ZNF716: variants seen among roughly 807,000 people sequenced by gnomAD.
The protein encoded by ZNF716 is zinc finger protein 716.
ZNF716 carries 9 observed loss-of-function variants against 13.4 expected under a neutral mutation model. That is an observed-to-expected ratio of 0.67 (90% confidence interval 0.41 to 1.18). The LOEUF (loss-of-function observed/expected upper bound fraction) is 1.18. Ranked by LOEUF, ZNF716 falls within the 50% of genes most tolerant of loss-of-function variation. ZNF716 has a pLI of 0.01. For synonymous variants in ZNF716, 186 were observed against 195.2 expected (o/e 0.95, Z 0.39); for missense variants, 581 against 576.6 (o/e 1.01, Z -0.08).
At chr7:57,464,115 C>CTTTTTTTTTTTTTTT (rs782745508) in intron 3 of ZNF716, among the ~76,000 whole-genome samples, 1 of 110,238 alleles carries the variant, frequency 9.1e-6, no homozygotes, top group Non-Finnish European at 1.7e-5. Flanking sequence ...TTGTCCATTT[C>CTTTTTTTTTTTTTTT]TTTTTTCTTT....
intron 1 of ZNF716, among the ~76,000 whole-genome samples, chr7:57,460,412 AAAG>A (rs1273086037): frequency 1.3e-5 from 2 of 151,106 alleles, no homozygotes; most frequent in African/African-American, 2.4e-5. Context: ...AAAAAAAAAA[AAAG>A]GCAGCGTCCA....
At chr7:57,451,957 G>A (rs1179165401) in intron 1 of ZNF716, among the ~76,000 whole-genome samples, 3 of 151,598 alleles carry the variant, frequency 2.0e-5, no homozygotes, top group African/African-American at 7.3e-5. Context: ...AATAGAGATG[G>A]GGTTTCACCA....
In ZNF716 at chr7:57,450,266, G is replaced by T. The variant is rs781890317; in HGVS notation, c.-23G>T. ...GGAGGCCAAGCCTCTGTGGCCTTGT[G>T]TCCTGCAAGTATTCGCAGATTTATG... is the stretch of plus-strand genomic sequence containing the variant. On this transcript the variant is annotated 5_prime_UTR_variant, in exon 1 of 4. Coordinates refer to ENST00000420713, the MANE Select transcript of ZNF716 (RefSeq NM_001159279.1). The T allele has an allele frequency of 6.2e-7, 1 of 1,613,808 alleles. No homozygotes were observed.
chr7:57,471,517 CAT>C lies in ZNF716; in HGVS notation c.*1570_*1571del, dbSNP rs1347658058. ...TTTATTCTAAAGACAAACATTAAAA[CAT>C]AAAGAGGATTGTGTAGTACCTTTAT... On this transcript the variant is annotated 3_prime_UTR_variant, in exon 4 of 4. Transcript: ENST00000420713. 4 of 151,546 alleles carry C rather than the reference CAT, an allele frequency of 2.6e-5. No homozygotes were observed. The highest frequency in any genetic ancestry group is 6.6e-5 in the Admixed American group (1 of 15,190). The allele number at this position is 151,546 out of a possible 1,614,324, so 9.4% of individuals were successfully genotyped here.
chr7:57,457,596 G>A (rs1157061322), intron 1 of ZNF716, among the ~76,000 whole-genome samples: 2 of 152,002 alleles, frequency 1.3e-5, no homozygotes, highest in East Asian at 1.9e-4. Context: ...TGCCCGCCTC[G>A]GCCTTCCAAA....
intron 1 of ZNF716, 60 bp from the exon 2 acceptor site, chr7:57,462,400 C>T (rs868949026): frequency 1.3e-6 from 2 of 1,572,774 alleles, no homozygotes; most frequent in Middle Eastern, 1.7e-4. Flanking sequence ...CCTATGGCAA[C>T]ATGGTAACTG....
chr7:57,462,156 G>GT lies in ZNF716; in HGVS notation c.40-301dup, dbSNP rs1301328661. Among the ~76,000 whole-genome samples the GT allele has an allele frequency of 7.6e-4, 94 of 123,806 alleles. 2 individuals carry two copies. The highest frequency in any genetic ancestry group is 5.9e-3 in the Admixed American group (69 of 11,722). 81.2% of individuals were successfully genotyped at this position (123,806 alleles called of 152,430 possible). ...AGCCTGGGCAACAGAGTGAGCCTCG[G>GT]TTTAAAAAAAAAAAAAAAGACATGT... On this transcript the variant is annotated intron_variant, in intron 1 of 3. Transcript: ENST00000420713.
At chr7:57,455,550 T>G (rs1255654901) in intron 1 of ZNF716, among the ~76,000 whole-genome samples, 1 of 149,558 alleles carries the variant, frequency 6.7e-6, no homozygotes, top group Non-Finnish European at 1.5e-5. Flanking sequence ...AGAGTCTCAC[T>G]CTGTCACCCT....
At chr7:57,459,648 G>T (rs1554322693) in intron 1 of ZNF716, among the ~76,000 whole-genome samples, 1 of 152,072 alleles carries the variant, frequency 6.6e-6, no homozygotes, top group Non-Finnish European at 1.5e-5. Flanking sequence ...ATAAACTTGA[G>T]GGGTTCAAGA....
chr7:57,466,942 G>T (rs1391048854), intron 3 of ZNF716, among the ~76,000 whole-genome samples: 1 of 151,792 alleles, frequency 6.6e-6, no homozygotes, highest in Non-Finnish European at 1.5e-5. Flanking sequence ...AATAGTTACA[G>T]ATTCCTAGTA....
At chr7:57,462,306 TAATG>T in intron 1 of ZNF716, 150 bp from the exon 2 acceptor site, 4 of 800,984 alleles carry the variant, frequency 5.0e-6, no homozygotes, top group Non-Finnish European at 8.2e-6. Flanking sequence ...AACATTATCT[TAATG>T]AATAATTTTA....
chr7:57,451,300 C>A (rs1388321570), intron 1 of ZNF716, among the ~76,000 whole-genome samples: 2 of 151,866 alleles, frequency 1.3e-5, no homozygotes, highest in African/African-American at 2.4e-5. Context: ...CAGTCGTGAT[C>A]CCCCCGTGCC....
chr7:57,463,211 C>A (rs1382330346), intron 3 of ZNF716, 43 bp downstream of exon 3: 4 of 1,598,754 alleles, frequency 2.5e-6, no homozygotes, highest in Non-Finnish European at 3.4e-6. Flanking sequence ...ATGAGAGTTA[C>A]AAAAGTCAAG....
At chr7:57,468,088 C>A (rs142247277) in intron 3 of ZNF716, among the ~76,000 whole-genome samples, 1 of 152,020 alleles carries the variant, frequency 6.6e-6, no homozygotes, top group Non-Finnish European at 1.5e-5. Flanking sequence ...TAGAGATTCT[C>A]GGAGTCTTTC....
rs1476154470 is a variant in ZNF716, at chr7:57,471,872, CAA to C, written c.*1924_*1925del. 1.3e-5 allele frequency: 2 copies of C among 151,964 alleles called. No individual in the cohort carries two copies. The highest frequency in any genetic ancestry group is 2.1e-4 in the South Asian group (1 of 4,824). 9.4% of individuals were successfully genotyped at this position (151,964 alleles called of 1,614,324 possible). ...GAGTGTAAAAAAGATATAAATCTAACAATATAAATTTAAAGAAGTAGATTTAT... is the reference window on the plus strand; with the variant it reads ...GAGTGTAAAAAAGATATAAATCTAACTATAAATTTAAAGAAGTAGATTTAT... On this transcript the variant is annotated 3_prime_UTR_variant, in exon 4 of 4. Coordinates refer to ENST00000420713, the MANE Select transcript of ZNF716 (RefSeq NM_001159279.1).
chr7:57,469,707 G>T lies in ZNF716; in HGVS notation c.1246G>T (p.Ala416Ser). The change falls in exon 4 of 4, where the codon GCC becomes TCC. Residue 416 changes from alanine to serine, a missense_variant. Coordinates refer to ENST00000420713, the MANE Select transcript of ZNF716 (RefSeq NM_001159279.1). ...CTACAAATGTGAAGAATGTGGCAAA[G>T]CCTTTAACTGCTCCTCAACCCTTAA... The part of the protein sequence containing the change: ...KPYKCEECGK[A>S]FNCSSTLKKH... The T allele has an allele frequency of 6.2e-7, 1 of 1,611,134 alleles. No individual in the cohort carries two copies. The highest frequency in any genetic ancestry group is 1.1e-5 in the South Asian group (1 of 90,904).
rs1490227932 is a variant in ZNF716 at position 57,453,903 on chromosome 7, G to A, written c.39+3576G>A. Among the ~76,000 whole-genome samples the A allele has an allele frequency of 2.6e-5, 4 of 152,120 alleles. No homozygotes were observed. The East Asian group carries it at 7.7e-4, about 29-fold the overall frequency. The stretch of plus-strand genomic sequence containing the variant: ...GCTGGAGTACAGTGGTGTGATCTTG[G>A]CTCACTGCAACCTCCGACTCCCGGG... On this transcript the variant is annotated intron_variant, in intron 1 of 3. Coordinates refer to ENST00000420713, the MANE Select transcript of ZNF716 (RefSeq NM_001159279.1).
chr7:57,463,723 G>A (rs1290303106), intron 3 of ZNF716, among the ~76,000 whole-genome samples: 1 of 151,752 alleles, frequency 6.6e-6, no homozygotes, highest in African/African-American at 2.4e-5. Flanking sequence ...TTGCTGTGGG[G>A]GAATATGCAA....
At chr7:57,456,036 A>T (rs1554322139) in intron 1 of ZNF716, among the ~76,000 whole-genome samples, 1 of 151,474 alleles carries the variant, frequency 6.6e-6, no homozygotes. Context: ...GCTCACCACA[A>T]CCTTCGCCTC....
Sources: allele counts gnomAD v4.1 joint callset (sites outside exome capture counted in the v4.1 genomes callset), GRCh38; gene constraint gnomAD v4.1.1; transcripts MANE v1.5; gene names NCBI Gene and HGNC (gene_info 2026-07-23, HGNC 2026-07-21).